USP9X: variants seen among roughly 807,000 people sequenced by gnomAD.
USP9X encodes the protein ubiquitin carboxyl-terminal hydrolase 9X.
Under a neutral mutation model 190.3 loss-of-function variants are expected in USP9X, and 7 were observed. The observed-to-expected ratio is 0.04, with a 90% CI of 0.02 to 0.07. USP9X has a LOEUF of 0.07. Among genes scored for constraint, USP9X ranks in the 10% least tolerant of loss-of-function variants. USP9X has a pLI of 1.00. For missense variants in USP9X, 1,010 were observed against 1,916.9 expected (o/e 0.53, Z 8.83); for synonymous variants, 645 against 659.5 (o/e 0.98, Z 0.34).
In USP9X at chrX:41,108,124, T is replaced by C. The variant is rs768996523; in HGVS notation, c.-158-15347T>C. Among the ~76,000 whole-genome samples the C allele has an allele frequency of 3.6e-5, 4 of 112,144 alleles. 1 individual carries two copies. The South Asian group carries it at 1.5e-3, about 41-fold the overall frequency. ...CTACACCTCTAGCAGCTTTGTTGTT[T>C]GTTGCTTCCTTATTTATGTAGTGAC... On this transcript the variant is annotated intron_variant, in intron 1 of 44. Coordinates refer to ENST00000378308, the MANE Select transcript of USP9X (RefSeq NM_001039591.3).
At chrX:41,187,889 C>A in intron 24 of USP9X, 103 bp from the exon 25 acceptor site, 36 of 632,579 alleles carry the variant, frequency 5.7e-5, no homozygotes, top group Non-Finnish European at 6.5e-5. Flanking sequence ...AATGGTACTA[C>A]ACAGTAATTC....
chrX:41,195,046 C>CTTTTTTTTTTTTTTTTTTTTTTTT (rs931341447), intron 26 of USP9X, among the ~76,000 whole-genome samples: 1 of 104,686 alleles, frequency 9.6e-6, no homozygotes, highest in Non-Finnish European at 1.9e-5. Context: ...TTTTTTCTTT[C>CTTTTTTTTTTTTTTTTTTTTTTTT]TTTTTTTTGG....
chrX:41,231,968 C>T (rs773668256), intron 44 of USP9X, among the ~76,000 whole-genome samples: 15 of 111,545 alleles, frequency 1.3e-4, no homozygotes, highest in Non-Finnish European at 2.8e-4. Context: ...AGGGTTACTG[C>T]TCCTATATAT....
chrX:41,089,347 C>T (rs1306563896), intron 1 of USP9X, among the ~76,000 whole-genome samples: 1 of 111,814 alleles, frequency 8.9e-6, no homozygotes, highest in Non-Finnish European at 1.9e-5. Flanking sequence ...TTTAAAAAAG[C>T]ATTTAGAGCT....
intron 30 of USP9X, among the ~76,000 whole-genome samples, chrX:41,199,759 G>A (rs1372895817): frequency 3.6e-5 from 4 of 111,748 alleles, no homozygotes; most frequent in Non-Finnish European, 7.5e-5. Context: ...GCATGTATTG[G>A]AAAACCTTTC....
intron 15 of USP9X, among the ~76,000 whole-genome samples, chrX:41,165,468 C>T (rs941036787): frequency 8.9e-5 from 10 of 112,058 alleles, no homozygotes; most frequent in South Asian, 3.7e-4. Context: ...TCAGGTGATC[C>T]GCCCACCTCA....
Position 41,189,363 on chromosome X carries a change from T to A in USP9X, c.3865T>A (p.Leu1289Met). ...AGACGAACAGGTTTGCTGTGAAGCA[T>A]TGGAAGTGATGACCTTATGTTTTGC... ...LEDEQVCCEA[L>M]EVMTLCFALI... The change falls in exon 26 of 45, where the codon TTG (leucine) becomes ATG (methionine). Residue 1289 changes from leucine (L) to methionine (M), a missense_variant. Coordinates refer to ENST00000378308, the MANE Select transcript of USP9X (RefSeq NM_001039591.3). 1 of 1,211,676 alleles carries A rather than the reference T, an allele frequency of 8.3e-7. No homozygotes were observed. The highest frequency in any genetic ancestry group is 1.1e-6 in the Non-Finnish European group (1 of 895,119).
intron 14 of USP9X, among the ~76,000 whole-genome samples, chrX:41,153,995 T>A (rs767788985): frequency 8.9e-6 from 1 of 111,840 alleles, no homozygotes; most frequent in African/African-American, 3.2e-5. Context: ...TTGAATAAAA[T>A]CCCCTCGTGC....
In USP9X at chrX:41,193,649, A is replaced by G. The variant is rs751650846; in HGVS notation, c.3978-2602A>G. Reference sequence around the variant, plus strand: ...ACTGCACTCTAGCCTGGGTGACAGAACGAGACCCAGTCTCAAAAAAAATTT... The same window carrying G: ...ACTGCACTCTAGCCTGGGTGACAGAGCGAGACCCAGTCTCAAAAAAAATTT... On this transcript the variant is annotated intron_variant, in intron 26 of 44. Transcript: ENST00000378308. Among the ~76,000 whole-genome samples, 72 of 111,529 alleles carry G rather than the reference A, an allele frequency of 6.5e-4. No homozygotes were observed. The Admixed American group carries it at 6.9e-3, about 11-fold the overall frequency.
At chrX:41,156,926 G>A (rs943067110) in intron 14 of USP9X, among the ~76,000 whole-genome samples, 4 of 111,774 alleles carry the variant, frequency 3.6e-5, no homozygotes, top group African/African-American at 1.3e-4. Flanking sequence ...AAATTTAACA[G>A]AAAGATCTAG....
chrX:41,162,057 C>T (rs2062638382), intron 14 of USP9X, among the ~76,000 whole-genome samples: 2 of 111,564 alleles, frequency 1.8e-5, no homozygotes, highest in African/African-American at 6.5e-5. Context: ...TTTACCAAAG[C>T]ATCAAAACCA....
At chrX:41,126,488 A>G (rs1413772300) in intron 2 of USP9X, among the ~76,000 whole-genome samples, 3 of 111,476 alleles carry the variant, frequency 2.7e-5, no homozygotes, top group Non-Finnish European at 5.7e-5. Flanking sequence ...CTTTTTTGCA[A>G]TGTTTCTGAC....
intron 38 of USP9X, among the ~76,000 whole-genome samples, chrX:41,222,553 TTTG>T (rs1164523248): frequency 5.4e-5 from 6 of 111,533 alleles, no homozygotes; most frequent in African/African-American, 2.0e-4. Context: ...ATGTAGTTAT[TTTG>T]TTGTTTTCAT....
At chrX:41,186,939 G>A (rs2062883824) in intron 24 of USP9X, among the ~76,000 whole-genome samples, 1 of 108,589 alleles carries the variant, frequency 9.2e-6, no homozygotes, top group Admixed American at 9.8e-5. Context: ...TGATTATTCT[G>A]CCTCAGCCTC....
chrX:41,141,438 C>T lies in USP9X; in HGVS notation c.1161+7C>T. On this transcript the variant is annotated splice_region_variant and intron_variant, in intron 9 of 44. Coordinates refer to ENST00000378308, the MANE Select transcript of USP9X (RefSeq NM_001039591.3). ...CACAGCTGAACGAATGGCAGTGAGT[C>T]TTTCAGTTCTTCTTCATAGGAATAA... 1 of 1,158,332 alleles carries T rather than the reference C, an allele frequency of 8.6e-7. No individual in the cohort carries two copies. Among genetic ancestry groups the T allele is most frequent in the Non-Finnish European group, 1.1e-6 (1 of 872,527 alleles).
At chrX:41,089,669 G>C (rs771863555) in intron 1 of USP9X, among the ~76,000 whole-genome samples, 2 of 111,414 alleles carry the variant, frequency 1.8e-5, no homozygotes, top group Non-Finnish European at 3.8e-5. Context: ...ATCTCAGTTT[G>C]AGAATTTAGA....
In USP9X at chrX:41,234,200, G is replaced by A. The variant is rs2063384961; in HGVS notation, c.*1676G>A. ...CTCTACTGAAGATTTTGAGAAATCA[G>A]GATGTTGACACTGTAAAAGTTTCCT... is the stretch of plus-strand genomic sequence containing the variant. On this transcript the variant is annotated 3_prime_UTR_variant, in exon 45 of 45. Coordinates refer to ENST00000378308, the MANE Select transcript of USP9X (RefSeq NM_001039591.3). 1 of 111,465 alleles carries A rather than the reference G, an allele frequency of 9.0e-6. No homozygotes were observed. The highest frequency in any genetic ancestry group is 9.6e-5 in the Admixed American group (1 of 10,431). 9.2% of individuals were successfully genotyped at this position (111,465 alleles called of 1,213,427 possible).
intron 26 of USP9X, chrX:41,196,011 A>G (rs1027507794): frequency 1.9e-5 from 9 of 486,204 alleles, no homozygotes; most frequent in Admixed American, 1.4e-4. Flanking sequence ...AGAAGGTGGT[A>G]TCCCTCAAAC....
intron 6 of USP9X, among the ~76,000 whole-genome samples, chrX:41,140,350 G>A (rs1454723884): frequency 1.8e-5 from 2 of 111,735 alleles, no homozygotes; most frequent in African/African-American, 6.5e-5. Flanking sequence ...ACAGTAATTA[G>A]AAGGTATTCA....
Sources: allele counts gnomAD v4.1 joint callset (sites outside exome capture counted in the v4.1 genomes callset), GRCh38; gene constraint gnomAD v4.1.1; transcripts MANE v1.5; gene names NCBI Gene and HGNC (gene_info 2026-07-23, HGNC 2026-07-21).